Variants in CADM2 observed in about 807,000 individuals in gnomAD.
The protein encoded by CADM2 is cell adhesion molecule 2.
In CADM2, 12 loss-of-function variants were observed where a neutral mutation model predicts 49.8. That is an observed-to-expected ratio of 0.24 (90% confidence interval 0.15 to 0.39). The LOEUF (loss-of-function observed/expected upper bound fraction) is 0.39. Ranked by LOEUF, CADM2 falls within the 10% of genes least tolerant of loss-of-function variation. The probability of loss-of-function intolerance (pLI) is 1.00; values close to 1 mark genes in which losing one functional copy is unlikely to be tolerated. For missense variants in CADM2, 378 were observed against 492.3 expected, an observed-to-expected ratio of 0.77 and a Z score of 2.20; for synonymous variants, 214 against 175.4, an observed-to-expected ratio of 1.22 and a Z score of -1.74.
chr3:85,307,460 A>C (rs907123863), intron 1 of CADM2, among the ~76,000 whole-genome samples: 4 of 151,928 alleles, frequency 2.6e-5, no homozygotes, highest in Non-Finnish European at 5.9e-5. Context: ...CTCATGCAAC[A>C]GTTCCTCTTT....
chr3:85,412,682 C>G (rs1325404378), intron 1 of CADM2, among the ~76,000 whole-genome samples: 1 of 151,644 alleles, frequency 6.6e-6, no homozygotes, highest in Non-Finnish European at 1.5e-5. Context: ...AATTATCATC[C>G]TATTGAAAAT....
intron 1 of CADM2, among the ~76,000 whole-genome samples, chr3:85,018,399 A>G (rs1372710110): frequency 6.6e-6 from 1 of 152,158 alleles, no homozygotes; most frequent in Non-Finnish European, 1.5e-5. Context: ...CTATTTTGAG[A>G]CAAAGTCTCA....
At chr3:85,346,962 T>A (rs971512175) in intron 1 of CADM2, among the ~76,000 whole-genome samples, 1 of 151,968 alleles carries the variant, frequency 6.6e-6, no homozygotes, top group Non-Finnish European at 1.5e-5. Context: ...ATTTTAGTGT[T>A]TTTTACTTAT....
chr3:85,628,700 G>A (rs1399541941), intron 1 of CADM2, among the ~76,000 whole-genome samples: 2 of 147,650 alleles, frequency 1.4e-5, no homozygotes, highest in Non-Finnish European at 3.0e-5. Flanking sequence ...TAATTTGCTT[G>A]CTATAAGATT....
chr3:85,618,762 T>A (rs2063877106), intron 1 of CADM2, among the ~76,000 whole-genome samples: 1 of 152,184 alleles, frequency 6.6e-6, no homozygotes, highest in Non-Finnish European at 1.5e-5. Flanking sequence ...TATCATAAAT[T>A]TAAATTCTAC....
At chr3:85,843,703 T>C (rs2074743081) in intron 3 of CADM2, among the ~76,000 whole-genome samples, 1 of 152,134 alleles carries the variant, frequency 6.6e-6, no homozygotes, top group South Asian at 2.1e-4. Flanking sequence ...TTAATACATG[T>C]TTAAGCTGGC....
chr3:85,894,313 C>T (rs1714906827), intron 5 of CADM2, among the ~76,000 whole-genome samples: 1 of 151,984 alleles, frequency 6.6e-6, no homozygotes. Flanking sequence ...CACTTGGACA[C>T]AGGAAGGGGA....
chr3:85,532,034 A>G lies in CADM2; in HGVS notation c.62-194488A>G, dbSNP rs562259307. 2.9e-3 allele frequency among the ~76,000 whole-genome samples: 440 copies of G among 152,236 alleles called. 1 individual carries two copies. The Middle Eastern group carries it at 0.037, about 13-fold the overall frequency. On this transcript the variant is annotated intron_variant, in intron 1 of 9. Transcript: ENST00000383699. The stretch of plus-strand genomic sequence containing the variant: ...ATACTAACAATGCAAAAAATTAGCC[A>G]GGCGTGGTGGCGGGAGCCTGTAGTC...
At chr3:85,005,776 T>C (rs561915744) in intron 1 of CADM2, among the ~76,000 whole-genome samples, 11 of 152,218 alleles carry the variant, frequency 7.2e-5, no homozygotes, top group Admixed American at 3.9e-4. Flanking sequence ...GTGGGCACTC[T>C]TGTTATTTTT....
rs368500704 is a variant in CADM2 at position 85,176,077 on chromosome 3, T to C, written c.61+216409T>C. On this transcript the variant is annotated intron_variant, in intron 1 of 9. Transcript: ENST00000383699. ...TCCTAATCTTTTGATACATGGAGCATTAGAAGAGGGAAATGGTCAAGAGGA... is the reference window on the plus strand; with the variant it reads ...TCCTAATCTTTTGATACATGGAGCACTAGAAGAGGGAAATGGTCAAGAGGA... Among the ~76,000 whole-genome samples the C allele has an allele frequency of 2.6e-4, 40 of 152,090 alleles. No homozygotes were observed. In the East Asian group the frequency reaches 7.4e-3, roughly 28 times the overall value.
chr3:85,816,522 T>C (rs1349785398), intron 3 of CADM2, among the ~76,000 whole-genome samples: 1 of 152,188 alleles, frequency 6.6e-6, no homozygotes, highest in African/African-American at 2.4e-5. Flanking sequence ...ATGTATAGAC[T>C]CTATGCAGGG....
chr3:84,968,124 C>T (rs2031150751), intron 1 of CADM2, among the ~76,000 whole-genome samples: 1 of 151,776 alleles, frequency 6.6e-6, no homozygotes, highest in African/African-American at 2.4e-5. Context: ...TTGTGTAAAT[C>T]ATCTATTCAA....
chr3:85,290,976 G>A (rs539090802), intron 1 of CADM2, among the ~76,000 whole-genome samples: 22 of 152,302 alleles, frequency 1.4e-4, no homozygotes, highest in Admixed American at 5.2e-4. Flanking sequence ...GGCTTCAGAC[G>A]ATCAAATTAC....
At chr3:85,462,745 T>C (rs922931417) in intron 1 of CADM2, among the ~76,000 whole-genome samples, 1 of 152,036 alleles carries the variant, frequency 6.6e-6, no homozygotes, top group African/African-American at 2.4e-5. Flanking sequence ...TATAGAAAAA[T>C]AAAAGATTCA....
chr3:85,976,240 A>G (rs1450537506), intron 8 of CADM2, among the ~76,000 whole-genome samples: 1 of 151,574 alleles, frequency 6.6e-6, no homozygotes, highest in Non-Finnish European at 1.5e-5. Context: ...TCTTCTTTTC[A>G]TTAACAGTGT....
chr3:85,197,939 G>T (rs2041385104), intron 1 of CADM2, among the ~76,000 whole-genome samples: 1 of 151,772 alleles, frequency 6.6e-6, no homozygotes, highest in African/African-American at 2.4e-5. Flanking sequence ...TTCAAGTCAG[G>T]TTGTTTTGCT....
At chr3:86,044,625 A>T (rs1484796488) in intron 8 of CADM2, among the ~76,000 whole-genome samples, 1 of 152,194 alleles carries the variant, frequency 6.6e-6, no homozygotes, top group African/African-American at 2.4e-5. Context: ...ACTGCAAACT[A>T]GTTCAACCAT....
intron 1 of CADM2, among the ~76,000 whole-genome samples, chr3:85,318,942 C>T (rs72921370): frequency 1.4e-4 from 21 of 152,130 alleles, no homozygotes; most frequent in South Asian, 1.0e-3. Context: ...TGACAACGTT[C>T]GGGCTCTTAA....
intron 1 of CADM2, among the ~76,000 whole-genome samples, chr3:85,118,162 A>G (rs1407281852): frequency 1.3e-5 from 2 of 151,692 alleles, no homozygotes; most frequent in African/African-American, 4.8e-5. Flanking sequence ...GGATTGTGAT[A>G]TTAACTTATT....
Sources: gnomAD v4.1 joint callset for allele counts (sites outside exome capture counted in the v4.1 genomes callset) on GRCh38, gnomAD v4.1.1 for gene constraint, MANE v1.5 for transcripts, NCBI Gene and HGNC (gene_info 2026-07-23, HGNC 2026-07-21) for gene names.